A3GALT2: variants seen among roughly 807,000 people sequenced by gnomAD.
The protein encoded by A3GALT2 is alpha 1,3-galactosyltransferase 2, also known as alpha-1,3-galactosyltransferase 2.
Under a neutral mutation model 16.6 loss-of-function variants are expected in A3GALT2, and 14 were observed. The observed-to-expected ratio is 0.84, with a 90% CI of 0.56 to 1.32. A3GALT2 has a LOEUF of 1.32. Among genes scored for constraint, A3GALT2 ranks in the 40% most tolerant of loss-of-function variants. The pLI is 0.00. For synonymous variants in A3GALT2, 253 were observed against 218.0 expected (o/e 1.16, Z -1.42); for missense variants, 600 against 490.9 (o/e 1.22, Z -2.10).
chr1:33,308,217 C>T (rs1332063713), intron 4 of A3GALT2, among the ~76,000 whole-genome samples: 1 of 149,852 alleles, frequency 6.7e-6, no homozygotes, highest in Non-Finnish European at 1.5e-5. Context: ...GGACGACTGG[C>T]AGCGTTTCTC....
At chr1:33,318,102 C>T (rs1273011875) in intron 1 of A3GALT2, among the ~76,000 whole-genome samples, 1 of 152,192 alleles carries the variant, frequency 6.6e-6, no homozygotes, top group Non-Finnish European at 1.5e-5. Context: ...CAGGGGGAAG[C>T]ATCTGTGCCT....
chr1:33,315,374 C>G (rs550734974), intron 1 of A3GALT2, among the ~76,000 whole-genome samples: 1 of 115,680 alleles, frequency 8.6e-6, no homozygotes, highest in East Asian at 2.6e-4. Context: ...GAGCAAGACT[C>G]TGTCTCAAAA....
At chr1:33,310,319 C>T (rs1330432677) in intron 4 of A3GALT2, among the ~76,000 whole-genome samples, 1 of 146,744 alleles carries the variant, frequency 6.8e-6, no homozygotes. Context: ...GAGAGGGAGA[C>T]CGGGGAGAGG....
Position 33,320,942 on chromosome 1 carries a change from ACTGGAGGCTCAG to A in A3GALT2, c.23+122_23+133del. Reference sequence around the variant, plus strand: ...CCTCTCGGAGCCACCTTTCCCCAGGACTGGAGGCTCAGCTGGTACTCCTGGGCTCACTCTGGT... The same window carrying A: ...CCTCTCGGAGCCACCTTTCCCCAGGACTGGTACTCCTGGGCTCACTCTGGT... On this transcript the variant is annotated intron_variant, in intron 1 of 4. Transcript: ENST00000442999. This position sits in a 1 kb window ranked among gnomAD's most constrained non-coding sequence, Gnocchi z 4.3. 1.7e-6 allele frequency: 2 copies of A among 1,165,192 alleles called. No individual in the cohort carries two copies. The highest frequency in any genetic ancestry group is 2.5e-6 in the Non-Finnish European group (2 of 795,554). 72.2% of individuals were successfully genotyped at this position (1,165,192 alleles called of 1,614,324 possible).
Position 33,307,111 on chromosome 1 carries a change from G to C in A3GALT2, c.678C>G (p.His226Gln). Residue 226 changes from histidine (H) to glutamine (Q), a missense_variant, in exon 5 of 5, where the codon CAC (histidine) becomes CAG (glutamine). Transcript: ENST00000442999. Reference protein sequence around the residue: ...SVAQLHSWHYHWPSWLLPFER... With the variant: ...SVAQLHSWHYQWPSWLLPFER... Reference sequence around the variant, plus strand: ...CGAAGGGCAGCAGCCACGACGGCCAGTGGTAGTGCCAGGAGTGCAGCTGCG... The same window carrying C: ...CGAAGGGCAGCAGCCACGACGGCCACTGGTAGTGCCAGGAGTGCAGCTGCG... 6.5e-7 allele frequency: 1 copy of C among 1,533,694 alleles called. No homozygotes were observed. The highest frequency in any genetic ancestry group is 8.8e-7 in the Non-Finnish European group (1 of 1,142,746).
chr1:33,307,325 C>T lies in A3GALT2; in HGVS notation c.464G>A (p.Gly155Glu), dbSNP rs1356080221. The T allele has an allele frequency of 5.3e-6, 8 of 1,516,900 alleles. No homozygotes were observed. The highest frequency in any genetic ancestry group is 7.0e-6 in the Non-Finnish European group (8 of 1,141,792). The allele number at this position is 1,516,900 out of a possible 1,614,324, so 94.0% of individuals were successfully genotyped here. A position where few individuals can be genotyped will look rare whatever the true frequency, so the allele number is the denominator to read the frequency against. The change falls in exon 5 of 5, where the codon GGA becomes GAA. Residue 155 changes from glycine to glutamate, a missense_variant. Coordinates refer to ENST00000442999, the MANE Select transcript of A3GALT2 (RefSeq NM_001080438.1). Reference sequence around the variant, plus strand: ...CACGCGCTCCACGGGCAGCCGGCGTCCCGGGCCCAGCGCCACGCGGGGCAC... The same window carrying T: ...CACGCGCTCCACGGGCAGCCGGCGTTCCGGGCCCAGCGCCACGCGGGGCAC... Reference protein sequence around the residue: ...GAVPRVALGPGRRLPVERVAR... With the variant: ...GAVPRVALGPERRLPVERVAR...
At chr1:33,318,728 CTGTCTGAAGCTGG>C (rs1276395458) in intron 1 of A3GALT2, among the ~76,000 whole-genome samples, 2 of 152,158 alleles carry the variant, frequency 1.3e-5, no homozygotes, top group Non-Finnish European at 2.9e-5. Flanking sequence ...CAGCTTCCTC[CTGTCTGAAGCTGG>C]CCTTGACATC....
chr1:33,307,532 C>T (rs1192447750), intron 4 of A3GALT2, 79 bp from the exon 5 acceptor site: 12 of 1,202,926 alleles, frequency 1.0e-5, no homozygotes, highest in Admixed American at 3.9e-5. Flanking sequence ...ACCTCTACTC[C>T]CACCCCACCC....
At position 33,307,421 on chromosome 1, in the gene A3GALT2, TC is replaced by T; in HGVS notation, c.367del (p.Glu123ArgfsTer13). 6.5e-7 allele frequency: 1 copy of T among 1,542,306 alleles called. No homozygotes were observed. Among genetic ancestry groups the T allele is most frequent in the South Asian group, 1.2e-5 (1 of 86,364 alleles). ...CGCCATGAAGTGCTGCTCCGCCGTC[TC>T]CAGGAAGCGCTCCAGGTACTTCTCC... ...YLEKYLERFL[E>X]TAEQHFMAGQ... On this transcript the variant is annotated frameshift_variant, in exon 5 of 5. Transcript: ENST00000442999. LOFTEE classifies it low-confidence loss of function (END_TRUNC).
intron 3 of A3GALT2, 135 bp downstream of exon 3, chr1:33,312,366 C>T (rs974597179): frequency 1.1e-5 from 14 of 1,284,830 alleles, no homozygotes; most frequent in East Asian, 9.7e-5. Flanking sequence ...ATGTGTGGCC[C>T]GATGGGGCTG....
At chr1:33,313,339 A>ATT (rs373102950) in intron 1 of A3GALT2, 12 of 129,846 alleles carry the variant, frequency 9.2e-5, no homozygotes, top group East Asian at 2.2e-4. Context: ...CTAATTTTGT[A>ATT]TTTTTTTTTT....
At chr1:33,321,023 T>G in intron 1 of A3GALT2, 53 bp downstream of exon 1, 1 of 1,609,478 alleles carries the variant, frequency 6.2e-7, no homozygotes, top group Non-Finnish European at 8.5e-7. Context: ...GGATCCCTCT[T>G]AGCTCAGCTG....
rs1646239001 is a variant in A3GALT2 at position 33,312,513 on chromosome 1, G to A, written c.185C>T (p.Ala62Val). The A allele has an allele frequency of 6.3e-7, 1 of 1,597,618 alleles. No individual in the cohort carries two copies. Among genetic ancestry groups the A allele is most frequent in the South Asian group, 1.1e-5 (1 of 89,004 alleles). ...GGGAGCTTCTTACCAGGGACGCAGG[G>A]CACCTGTGAAGTTGTCTCTCAGCTG... ...MSQLRDNFTG[A>V]LRPWARPEVL... The change falls in exon 3 of 5, where the codon GCC becomes GTC. Residue 62 changes from alanine (A) to valine (V), a missense_variant. By Grantham distance (64) the Ala-to-Val change is moderately conservative (BLOSUM62 0). Coordinates refer to ENST00000442999, the MANE Select transcript of A3GALT2 (RefSeq NM_001080438.1).
intron 4 of A3GALT2, among the ~76,000 whole-genome samples, chr1:33,309,335 C>T (rs1003505473): frequency 6.6e-5 from 10 of 151,726 alleles, no homozygotes; most frequent in South Asian, 2.1e-4. Flanking sequence ...ACTTCCCAGA[C>T]GGGGTGGCTG....
In A3GALT2 at chr1:33,320,597, C is replaced by T. The variant is rs1042934014; in HGVS notation, c.23+479G>A. 6.6e-6 allele frequency among the ~76,000 whole-genome samples: 1 copy of T among 151,982 alleles called. No homozygotes were observed. The highest frequency in any genetic ancestry group is 1.5e-5 in the Non-Finnish European group (1 of 68,018). On this transcript the variant is annotated intron_variant, in intron 1 of 4. Coordinates refer to ENST00000442999, the MANE Select transcript of A3GALT2 (RefSeq NM_001080438.1). This position sits in a 1 kb window ranked among gnomAD's most constrained non-coding sequence, Gnocchi z 4.3. ...CAGGTTCTACCTGCAGAAGGTGGTC[C>T]CTCAAGCTCCACCCTGTGCCCTGCT...
chr1:33,312,079 A>T lies in A3GALT2; in HGVS notation c.308T>A (p.Ile103Asn). The T allele has an allele frequency of 1.2e-6, 2 of 1,613,738 alleles. No individual in the cohort carries two copies. The highest frequency in any genetic ancestry group is 1.7e-6 in the Non-Finnish European group (2 of 1,179,862). The change falls in exon 4 of 5, where the codon ATT becomes AAT. Residue 103 changes from isoleucine (I) to asparagine (N), a missense_variant. Transcript: ENST00000442999. ...KQEARQQNLT[I>N]GLTIFAVGRY... ...GCCTACAGCAAAGATAGTCAGCCCAATGGTGAGGTTCTGCTGTCTAGCCTC... is the reference window on the plus strand; with the variant it reads ...GCCTACAGCAAAGATAGTCAGCCCATTGGTGAGGTTCTGCTGTCTAGCCTC...
rs745494792 is a variant in A3GALT2, at chr1:33,312,158, AG to A, written c.228del (p.Trp77GlyfsTer29). On this transcript the variant is annotated frameshift_variant, in exon 4 of 5. Coordinates refer to ENST00000442999, the MANE Select transcript of A3GALT2 (RefSeq NM_001080438.1). LOFTEE classifies it high-confidence loss of function. ...WARPEVLTCT[P>X]WGAPIIWDGS... ...CCATCCCAAATAATGGGAGCCCCCCAGGGGGTACAGGTCAGAACTTCAGGCC... is the reference window on the plus strand; with the variant it reads ...CCATCCCAAATAATGGGAGCCCCCCAGGGGTACAGGTCAGAACTTCAGGCC... 13 of 1,613,288 alleles carry A rather than the reference AG, an allele frequency of 8.1e-6. No homozygotes were observed. Among genetic ancestry groups the A allele is most frequent in the Non-Finnish European group, 1.0e-5 (12 of 1,179,806 alleles).
chr1:33,312,575 G>A lies in A3GALT2; in HGVS notation c.123C>T (p.Leu41=), dbSNP rs778047691. Residue 41 remains leucine (L), a synonymous_variant, in exon 3 of 5, where the codon CTC becomes CTT. Transcript: ENST00000442999. ...CCGAAGGGCAGACGCCCATGGGGAT[G>A]AGGGCTTCCAGATGCCTGTGGTGGG... ...GLPKFRHLEA[L]IPMGVCPSAT... 5.6e-6 allele frequency: 9 copies of A among 1,593,734 alleles called. No homozygotes were observed. Among genetic ancestry groups the A allele is most frequent in the Middle Eastern group, 3.6e-4 (2 of 5,536 alleles).
intron 1 of A3GALT2, among the ~76,000 whole-genome samples, chr1:33,317,274 T>G (rs1646265876): frequency 1.3e-5 from 2 of 152,132 alleles, no homozygotes; most frequent in Non-Finnish European, 2.9e-5. Flanking sequence ...AAAATTGAGG[T>G]GCACTCTGAT....
Sources: allele counts gnomAD v4.1 joint callset (sites outside exome capture counted in the v4.1 genomes callset), GRCh38; gene constraint gnomAD v4.1.1; non-coding constraint Gnocchi (gnomAD v3.1); transcripts MANE v1.5; gene names NCBI Gene and HGNC (gene_info 2026-07-23, HGNC 2026-07-21).